Variants in ELAVL2 observed in about 807,000 individuals in gnomAD.
The protein encoded by ELAVL2 is ELAV-like protein 2.
A neutral mutation model predicts 34.6 loss-of-function variants in ELAVL2; 4 were observed. The observed-to-expected ratio is 0.12, with a 90% CI of 0.06 to 0.26. The LOEUF (loss-of-function observed/expected upper bound fraction) is 0.26. Among genes scored for constraint, ELAVL2 ranks in the 10% least tolerant of loss-of-function variants. The pLI, the probability that ELAVL2 is intolerant of heterozygous loss-of-function variation, is 1.00. For missense variants in ELAVL2, 432 were observed against 442.8 expected, an observed-to-expected ratio of 0.98 and a Z score of 0.22; for synonymous variants, 193 against 154.8, an observed-to-expected ratio of 1.25 and a Z score of -1.83.
chr9:23,805,063 T>C (rs1373045698), intron 1 of ELAVL2, among the ~76,000 whole-genome samples: 1 of 152,116 alleles, frequency 6.6e-6, no homozygotes, highest in East Asian at 1.9e-4. Flanking sequence ...GGAACATAAA[T>C]GCTCTGACAA....
chr9:23,827,651 T>A (rs568987095), upstream of ELAVL2, among the ~76,000 whole-genome samples: 59 of 152,256 alleles, frequency 3.9e-4, no homozygotes, highest in Non-Finnish European at 6.3e-4. Context: ...TCTTTGAGAA[T>A]GCCGGAAAAA....
intron 3 of ELAVL2, among the ~76,000 whole-genome samples, chr9:23,705,941 C>T (rs1047597106): frequency 6.6e-6 from 1 of 152,144 alleles, no homozygotes; most frequent in African/African-American, 2.4e-5. Context: ...TCTAGCCTCT[C>T]ACATCTGTGT....
At chr9:23,695,784 T>C (rs139912637) in intron 5 of ELAVL2, among the ~76,000 whole-genome samples, 1 of 152,304 alleles carries the variant, frequency 6.6e-6, no homozygotes, top group African/African-American at 2.4e-5. Context: ...GACTATGATA[T>C]CACTAGACAA....
chr9:23,762,270 A>G (rs1008909139), intron 1 of ELAVL2, 21 bp from the exon 2 acceptor site: 2 of 1,610,944 alleles, frequency 1.2e-6, no homozygotes, highest in East Asian at 4.5e-5. Flanking sequence ...AGAAAACAAG[A>G]AATGTCAGAA....
chr9:23,835,168 AT>A, the ELAVL2 span, among the ~76,000 whole-genome samples: 1 of 152,168 alleles, frequency 6.6e-6, no homozygotes, highest in African/African-American at 2.4e-5. Flanking sequence ...GGCATTAAGT[AT>A]AGCTTATAAT....
At chr9:23,708,594 T>C (rs775769586) in intron 3 of ELAVL2, among the ~76,000 whole-genome samples, 29 of 152,248 alleles carry the variant, frequency 1.9e-4, no homozygotes, top group Admixed American at 1.4e-3. Flanking sequence ...ACAGAGAAAC[T>C]GGCCACAGAC....
At chr9:23,731,235 C>T in intron 2 of ELAVL2, 110 bp from the exon 3 acceptor site, 1 of 777,338 alleles carries the variant, frequency 1.3e-6, no homozygotes, top group Non-Finnish European at 1.9e-6. Flanking sequence ...ATTTCCTCAA[C>T]AGTAAAAAGA....
At chr9:23,756,726 G>C (rs566935131) in intron 2 of ELAVL2, among the ~76,000 whole-genome samples, 1 of 152,134 alleles carries the variant, frequency 6.6e-6, no homozygotes, top group Non-Finnish European at 1.5e-5. Context: ...ACTTTCCAAA[G>C]AATTAAGTAC....
intron 1 of ELAVL2, among the ~76,000 whole-genome samples, chr9:23,816,004 TAAG>T (rs1392016403): frequency 1.3e-5 from 2 of 152,168 alleles, no homozygotes; most frequent in Non-Finnish European, 2.9e-5. Context: ...CTCACTAGTA[TAAG>T]AAGACAACTC....
At chr9:23,762,305 A>C (rs2055213186) in intron 1 of ELAVL2, 56 bp from the exon 2 acceptor site, 2 of 1,568,194 alleles carry the variant, frequency 1.3e-6, no homozygotes, top group African/African-American at 2.7e-5. Flanking sequence ...CCTATTAGAG[A>C]CTCCATCCAA....
intron 3 of ELAVL2, among the ~76,000 whole-genome samples, chr9:23,710,078 G>C (rs1178954884): frequency 6.6e-6 from 1 of 152,126 alleles, no homozygotes; most frequent in Admixed American, 6.6e-5. Flanking sequence ...TTCTCAAACT[G>C]TTCTTCACAA....
intron 1 of ELAVL2, among the ~76,000 whole-genome samples, chr9:23,807,825 T>C (rs200689001): frequency 1.3e-5 from 2 of 152,192 alleles, no homozygotes; most frequent in East Asian, 3.8e-4. Context: ...AAACAAATAC[T>C]GATAATATTT....
chr9:23,694,598 G>C (rs1168221140), intron 5 of ELAVL2, among the ~76,000 whole-genome samples: 1 of 152,192 alleles, frequency 6.6e-6, no homozygotes, highest in Non-Finnish European at 1.5e-5. Flanking sequence ...AGTTTGAAAA[G>C]TCTCAGCCTT....
chr9:23,761,966 C>A, intron 2 of ELAVL2, 40 bp downstream of exon 2: 1 of 1,561,516 alleles, frequency 6.4e-7, no homozygotes, highest in Non-Finnish European at 8.7e-7. Context: ...TCTTGAGACA[C>A]GATCCGTTAA....
the ELAVL2 span, among the ~76,000 whole-genome samples, chr9:23,833,298 A>T: frequency 1.3e-5 from 2 of 151,792 alleles, no homozygotes; most frequent in Non-Finnish European, 2.9e-5. Context: ...ATAACAAGAT[A>T]TTTTTCTGCT....
chr9:23,724,435 A>C (rs1009699451), intron 3 of ELAVL2, among the ~76,000 whole-genome samples: 1 of 151,300 alleles, frequency 6.6e-6, no homozygotes, highest in Admixed American at 6.6e-5. Flanking sequence ...AAGAGGCCTG[A>C]GGACAGGACA....
At chr9:23,707,688 T>A (rs564981594) in intron 3 of ELAVL2, among the ~76,000 whole-genome samples, 1 of 152,332 alleles carries the variant, frequency 6.6e-6, no homozygotes, top group Non-Finnish European at 1.5e-5. Flanking sequence ...AGAACTAAGT[T>A]CTTCAAGCCT....
chr9:23,776,276 A>G lies in ELAVL2; in HGVS notation c.-15-14027T>C, dbSNP rs781650102. 2.6e-5 allele frequency among the ~76,000 whole-genome samples: 4 copies of G among 152,304 alleles called. 1 individual carries two copies. Among genetic ancestry groups the G allele is most frequent in the South Asian group, 2.1e-4 (1 of 4,820 alleles). The stretch of plus-strand genomic sequence containing the variant: ...TATTGTAAGCTCAAACTTCAAGTGG[A>G]ATCAGCATTTTTTAATTCCTAGCTA... On this transcript the variant is annotated intron_variant, in intron 1 of 6. Coordinates refer to ENST00000397312, the MANE Select transcript of ELAVL2 (RefSeq NM_004432.5).
chr9:23,754,716 G>A (rs2053114838), intron 2 of ELAVL2, among the ~76,000 whole-genome samples: 1 of 152,130 alleles, frequency 6.6e-6, no homozygotes. Context: ...GCCTGCATTG[G>A]CCTTCCAAAG....
Sources: gnomAD v4.1 joint callset for allele counts (sites outside exome capture counted in the v4.1 genomes callset) on GRCh38, gnomAD v4.1.1 for gene constraint, MANE v1.5 for transcripts, NCBI Gene and HGNC (gene_info 2026-07-23, HGNC 2026-07-21) for gene names.